CNTN5: variants seen among roughly 807,000 people sequenced by gnomAD.
CNTN5 encodes contactin 5.
A neutral mutation model predicts 129.1 loss-of-function variants in CNTN5; 77 were observed. The ratio of observed to expected loss-of-function variants is 0.60; its 90% CI spans 0.50 to 0.72. The LOEUF (loss-of-function observed/expected upper bound fraction) is 0.72, where lower values mean the gene tolerates loss of function less well. Among genes scored for constraint, CNTN5 ranks in the 30% least tolerant of loss-of-function variants. The pLI is 0.00. For synonymous variants in CNTN5, 509 were observed against 465.6 expected, an observed-to-expected ratio of 1.09 and a Z score of -1.20; for missense variants, 1,478 against 1,328.8, an observed-to-expected ratio of 1.11 and a Z score of -1.75.
intron 13 of CNTN5, among the ~76,000 whole-genome samples, chr11:100,141,857 A>C (rs1264913627): frequency 6.6e-6 from 1 of 152,144 alleles, no homozygotes; most frequent in Non-Finnish European, 1.5e-5. Flanking sequence ...GAAAGCCAGT[A>C]AAGCATTATG....
At chr11:100,033,430 GTA>G (rs561496163) in intron 9 of CNTN5, among the ~76,000 whole-genome samples, 141 of 152,240 alleles carry the variant, frequency 9.3e-4, no homozygotes, top group African/African-American at 3.3e-3. Flanking sequence ...ATCTTTACAA[GTA>G]TCTCACTGTT....
chr11:100,207,417 A>C (rs927715075), intron 15 of CNTN5, among the ~76,000 whole-genome samples: 1 of 152,124 alleles, frequency 6.6e-6, no homozygotes, highest in Admixed American at 6.6e-5. Context: ...ACATTCTATA[A>C]AACCAAAGAA....
intron 2 of CNTN5, among the ~76,000 whole-genome samples, chr11:99,554,580 C>T (rs1294044479): frequency 2.0e-5 from 3 of 152,102 alleles, no homozygotes; most frequent in South Asian, 2.1e-4. Context: ...GTAAATAGAG[C>T]GAGAAGTACC....
At chr11:99,159,404 C>T (rs1390796812) in intron 1 of CNTN5, among the ~76,000 whole-genome samples, 1 of 152,104 alleles carries the variant, frequency 6.6e-6, no homozygotes, top group Admixed American at 6.5e-5. Flanking sequence ...GGAAGGATCA[C>T]GAGGTCAGGA....
chr11:99,812,783 T>C (rs964633880), intron 3 of CNTN5, among the ~76,000 whole-genome samples: 2 of 152,134 alleles, frequency 1.3e-5, no homozygotes, highest in Non-Finnish European at 2.9e-5. Flanking sequence ...GAGGAGGATA[T>C]ATGCATCGTA....
chr11:99,414,999 C>A (rs1942583569), intron 2 of CNTN5, among the ~76,000 whole-genome samples: 1 of 152,058 alleles, frequency 6.6e-6, no homozygotes, highest in Non-Finnish European at 1.5e-5. Context: ...AAACAGGCAA[C>A]TCAATATTGT....
rs1203630083 is a variant in CNTN5, at chr11:100,193,490, C to G, written c.1711C>G (p.Pro571Ala). 1.9e-6 allele frequency: 3 copies of G among 1,552,750 alleles called. No individual in the cohort carries two copies. The highest frequency in any genetic ancestry group is 2.6e-6 in the Non-Finnish European group (3 of 1,141,488). Residue 571 changes from proline (P) to alanine (A), a missense_variant and splice_region_variant, in exon 15 of 25, where the codon CCT (proline) becomes GCT (alanine). Coordinates refer to ENST00000524871, the MANE Select transcript of CNTN5 (RefSeq NM_014361.4). ...EIIASLSVKE[P>A]TRIELTPKRT... ...TTAACGTATTTTTATTTCTATAGAACCTACAAGGATAGAACTTACTCCTAA... is the reference window on the plus strand; with the variant it reads ...TTAACGTATTTTTATTTCTATAGAAGCTACAAGGATAGAACTTACTCCTAA...
intron 7 of CNTN5, among the ~76,000 whole-genome samples, chr11:99,955,969 G>A (rs1053134795): frequency 3.3e-5 from 5 of 152,044 alleles, no homozygotes; most frequent in African/African-American, 1.2e-4. Context: ...AAATATTTAA[G>A]TATCCATTAT....
chr11:99,341,519 A>T (rs1458779608), intron 2 of CNTN5, among the ~76,000 whole-genome samples: 1 of 152,138 alleles, frequency 6.6e-6, no homozygotes, highest in African/African-American at 2.4e-5. Context: ...CATGATTTGG[A>T]GCAAACCTTC....
At chr11:99,434,633 C>A (rs1943530588) in intron 2 of CNTN5, among the ~76,000 whole-genome samples, 1 of 152,084 alleles carries the variant, frequency 6.6e-6, no homozygotes, top group Admixed American at 6.6e-5. Flanking sequence ...CAAATCAGAG[C>A]CGTTTTAATA....
intron 4 of CNTN5, among the ~76,000 whole-genome samples, chr11:99,829,243 G>T (rs1004169730): frequency 6.6e-6 from 1 of 152,106 alleles, no homozygotes; most frequent in East Asian, 1.9e-4. Context: ...CTCATAATTT[G>T]CTATACATAT....
At chr11:100,240,293 A>G (rs2138678810) in intron 16 of CNTN5, among the ~76,000 whole-genome samples, 1 of 149,112 alleles carries the variant, frequency 6.7e-6, no homozygotes. Flanking sequence ...CACTGTCTCC[A>G]TTTCTCCAAA....
At chr11:99,905,012 G>C (rs1346615859) in intron 6 of CNTN5, among the ~76,000 whole-genome samples, 3 of 152,132 alleles carry the variant, frequency 2.0e-5, no homozygotes, top group East Asian at 1.9e-4. Context: ...TTGTAAATTA[G>C]TTTAAGTTCT....
intron 1 of CNTN5, among the ~76,000 whole-genome samples, chr11:99,315,027 T>G (rs1461676): frequency 0.52 from 76,626 of 148,140 alleles, 22,512 homozygotes; most frequent in East Asian, 0.73. Flanking sequence ...TTGCTGTTCT[T>G]CAGACCAAAC....
chr11:99,823,126 T>G (rs1170028739), intron 4 of CNTN5, among the ~76,000 whole-genome samples: 2 of 152,210 alleles, frequency 1.3e-5, no homozygotes, highest in East Asian at 3.9e-4. Context: ...CCTCCCACCT[T>G]TTGAAAGACA....
At chr11:99,395,553 C>G (rs111628789) in intron 2 of CNTN5, among the ~76,000 whole-genome samples, 6 of 151,964 alleles carry the variant, frequency 3.9e-5, no homozygotes, top group African/African-American at 1.4e-4. Context: ...TCATTAGATC[C>G]TATTAGTCAA....
intron 8 of CNTN5, among the ~76,000 whole-genome samples, chr11:99,979,171 T>C (rs928198075): frequency 5.9e-5 from 9 of 152,196 alleles, no homozygotes; most frequent in African/African-American, 1.4e-4. Context: ...AAGAATGGCA[T>C]GCCCTTTGAC....
chr11:100,096,971 C>T (rs907857294), intron 13 of CNTN5, among the ~76,000 whole-genome samples: 1 of 152,024 alleles, frequency 6.6e-6, no homozygotes, highest in Non-Finnish European at 1.5e-5. Flanking sequence ...GCAGAGAAAC[C>T]CAGTGTTCCA....
intron 1 of CNTN5, among the ~76,000 whole-genome samples, chr11:99,235,602 C>T (rs1169166734): frequency 6.6e-6 from 1 of 152,068 alleles, no homozygotes; most frequent in Admixed American, 6.6e-5. Flanking sequence ...TTAAATAGGG[C>T]TATTTCTTAT....
Sources: gnomAD v4.1 joint callset for allele counts (sites outside exome capture counted in the v4.1 genomes callset) on GRCh38, gnomAD v4.1.1 for gene constraint, MANE v1.5 for transcripts, NCBI Gene and HGNC (gene_info 2026-07-23, HGNC 2026-07-21) for gene names.